The following CRIM1 variants were observed in gnomAD, a reference collection of about 807,000 sequenced individuals.
The protein encoded by CRIM1 is cysteine rich transmembrane BMP regulator 1.
Under a neutral mutation model 116.4 loss-of-function variants are expected in CRIM1, and 32 were observed. That is an observed-to-expected ratio of 0.27 (90% CI 0.21 to 0.37). The LOEUF (loss-of-function observed/expected upper bound fraction) is 0.37. Among genes scored for constraint, CRIM1 ranks in the 10% least tolerant of loss-of-function variants. The pLI, the probability that CRIM1 is intolerant of heterozygous loss-of-function variation, is 1.00. For synonymous variants in CRIM1, 590 were observed against 509.2 expected (o/e 1.16, Z -2.13); for missense variants, 1,331 against 1,354.8 (o/e 0.98, Z 0.28).
chr2:36,382,869 G>C (rs749544372), intron 1 of CRIM1, among the ~76,000 whole-genome samples: 6 of 152,238 alleles, frequency 3.9e-5, no homozygotes, highest in Non-Finnish European at 7.3e-5. Context: ...GAAACTTGGT[G>C]ATCATTATTG....
At chr2:36,397,870 A>G (rs927711400) in intron 2 of CRIM1, among the ~76,000 whole-genome samples, 5 of 152,340 alleles carry the variant, frequency 3.3e-5, no homozygotes, top group Admixed American at 1.3e-4. Flanking sequence ...CCTAGAGAAC[A>G]TTTAGTCCAG....
chr2:36,482,050 T>C (rs779721499), intron 7 of CRIM1, among the ~76,000 whole-genome samples: 4 of 152,216 alleles, frequency 2.6e-5, no homozygotes, highest in African/African-American at 4.8e-5. Context: ...AGTTCACTTC[T>C]AGAGCCTCAG....
At chr2:36,525,058 T>A (rs1260738824) in intron 13 of CRIM1, among the ~76,000 whole-genome samples, 2 of 152,196 alleles carry the variant, frequency 1.3e-5, no homozygotes, top group African/African-American at 4.8e-5. Flanking sequence ...ACGTATAATT[T>A]TATCATATAA....
chr2:36,537,788 C>T (rs897419999), intron 14 of CRIM1, among the ~76,000 whole-genome samples: 7 of 152,192 alleles, frequency 4.6e-5, no homozygotes, highest in Admixed American at 3.9e-4. Flanking sequence ...CATTTGCATT[C>T]TCTAAACTTT....
chr2:36,471,026 G>A (rs1180380242), intron 5 of CRIM1, among the ~76,000 whole-genome samples: 2 of 152,210 alleles, frequency 1.3e-5, no homozygotes, highest in African/African-American at 2.4e-5. Context: ...AACTGCAGAT[G>A]TAGTAGAAGG....
chr2:36,485,983 C>T (rs980354362), intron 7 of CRIM1, among the ~76,000 whole-genome samples: 2 of 152,152 alleles, frequency 1.3e-5, no homozygotes, highest in Admixed American at 6.5e-5. Flanking sequence ...GTAACAAATG[C>T]GTAGCAAATG....
chr2:36,368,629 C>A (rs1475793512), intron 1 of CRIM1, among the ~76,000 whole-genome samples: 1 of 152,142 alleles, frequency 6.6e-6, no homozygotes, highest in Non-Finnish European at 1.5e-5. Context: ...TAGTTAATTC[C>A]CATTGGGCAT....
chr2:36,378,049 A>G (rs915698102), intron 1 of CRIM1, among the ~76,000 whole-genome samples: 21 of 152,182 alleles, frequency 1.4e-4, no homozygotes, highest in African/African-American at 5.1e-4. Context: ...TCAGACTCCA[A>G]CATGTGCAGT....
At chr2:36,410,567 G>A (rs1013163978) in intron 2 of CRIM1, among the ~76,000 whole-genome samples, 2 of 150,534 alleles carry the variant, frequency 1.3e-5, no homozygotes, top group Non-Finnish European at 3.0e-5. Context: ...TCTTTAAAAT[G>A]TGTGCCCATG....
At position 36,549,635 on chromosome 2, in the gene CRIM1, A is replaced by T. The variant is rs1667607937; in HGVS notation, c.*934A>T. ...CTAGCTTAAGAAGAAACTTTTTTTA[A>T]AAAGACTGTTTGGGGATTCTTTTTC... On this transcript the variant is annotated 3_prime_UTR_variant, in exon 17 of 17. Coordinates refer to ENST00000280527, the MANE Select transcript of CRIM1 (RefSeq NM_016441.3). The T allele has an allele frequency of 6.6e-6, 1 of 152,394 alleles. No individual in the cohort carries two copies. Among genetic ancestry groups the T allele is most frequent in the South Asian group, 2.1e-4 (1 of 4,824 alleles). 9.4% of individuals were successfully genotyped at this position (152,394 alleles called of 1,614,324 possible).
intron 6 of CRIM1, among the ~76,000 whole-genome samples, chr2:36,478,580 G>T (rs761825382): frequency 6.6e-6 from 1 of 152,144 alleles, no homozygotes; most frequent in African/African-American, 2.4e-5. Flanking sequence ...CCTTCCTAAC[G>T]CTGTGATGGC....
rs768554413 is a variant in CRIM1, at chr2:36,396,671, T to C, written c.389T>C (p.Ile130Thr). 2.5e-6 allele frequency: 4 copies of C among 1,613,470 alleles called. No individual in the cohort carries two copies. The Admixed American group carries it at 6.7e-5, about 27-fold the overall frequency. ...TTTAAACCATGCAATGAAAACCTTA[T>C]TGCTGGCTGCAATATAATCAATGGG... ...LGFKPCNENL[I>T]AGCNIINGKC... The change falls in exon 2 of 17, where the codon ATT becomes ACT. Residue 130 changes from isoleucine to threonine, a missense_variant. By Grantham distance (89) the Ile-to-Thr change is moderately conservative. This residue lies in a region of CRIM1 where 690 missense variants were observed against 676.0 expected (regional missense o/e 1.02). Transcript: ENST00000280527.
At chr2:36,523,254 T>A (rs149888900) in intron 13 of CRIM1, among the ~76,000 whole-genome samples, 260 of 152,342 alleles carry the variant, frequency 1.7e-3, no homozygotes, top group Non-Finnish European at 2.8e-3. Flanking sequence ...AATATTAATT[T>A]AATCTCCCAG....
intron 1 of CRIM1, among the ~76,000 whole-genome samples, chr2:36,378,119 T>A (rs1670456937): frequency 6.6e-6 from 1 of 152,234 alleles, no homozygotes; most frequent in Non-Finnish European, 1.5e-5. Context: ...CATTGTAACG[T>A]ATGTTTGCTT....
At chr2:36,445,421 C>A (rs1052910455) in intron 4 of CRIM1, among the ~76,000 whole-genome samples, 3 of 152,200 alleles carry the variant, frequency 2.0e-5, no homozygotes, top group Non-Finnish European at 4.4e-5. Context: ...TCTCCTCTGT[C>A]CACGTGGTCT....
intron 4 of CRIM1, among the ~76,000 whole-genome samples, chr2:36,446,731 T>C (rs1228669503): frequency 2.6e-5 from 4 of 152,236 alleles, no homozygotes; most frequent in Non-Finnish European, 5.9e-5. Flanking sequence ...ATGAGTTATA[T>C]GGCAGTGCAT....
At chr2:36,457,760 A>G (rs1331220282) in intron 4 of CRIM1, among the ~76,000 whole-genome samples, 1 of 152,190 alleles carries the variant, frequency 6.6e-6, no homozygotes, top group Non-Finnish European at 1.5e-5. Flanking sequence ...AGCCTTTAAA[A>G]AAAAAAAAAC....
chr2:36,536,152 A>G (rs1351335174), intron 13 of CRIM1, among the ~76,000 whole-genome samples: 1 of 152,244 alleles, frequency 6.6e-6, no homozygotes, highest in Non-Finnish European at 1.5e-5. Flanking sequence ...CAGCTGCCTC[A>G]GAGCACTCGC....
In CRIM1 at chr2:36,537,560, C is replaced by T; in HGVS notation, c.2623+14C>T. The T allele has an allele frequency of 6.3e-7, 1 of 1,582,522 alleles. No individual in the cohort carries two copies. The highest frequency in any genetic ancestry group is 8.6e-7 in the Non-Finnish European group (1 of 1,164,348). ...CAATGTGTCCAGGTATCTAAGCCAC[C>T]ATCCTTCCATTTGTCAAGCTGTAAT... On this transcript the variant is annotated intron_variant, in intron 14 of 16. Transcript: ENST00000280527.
Sources: gnomAD v4.1 joint callset for allele counts (sites outside exome capture counted in the v4.1 genomes callset) on GRCh38, gnomAD v4.1.1 for gene constraint, gnomAD v4.1.1 regional missense constraint, MANE v1.5 for transcripts, NCBI Gene and HGNC (gene_info 2026-07-23, HGNC 2026-07-21) for gene names.